FBXW10: variants seen among roughly 807,000 people sequenced by gnomAD.
The protein encoded by FBXW10 is F-box/WD repeat-containing protein 10.
FBXW10 carries 68 observed loss-of-function variants against 113.1 expected under a neutral mutation model. That is an observed-to-expected ratio of 0.60 (90% confidence interval 0.49 to 0.74). The LOEUF (loss-of-function observed/expected upper bound fraction) is 0.74. Among genes scored for constraint, FBXW10 ranks in the 30% least tolerant of loss-of-function variants. The probability of loss-of-function intolerance (pLI) is 0.00; values close to 1 mark genes in which losing one functional copy is unlikely to be tolerated. For synonymous variants in FBXW10, 289 were observed against 481.6 expected, an observed-to-expected ratio of 0.60 and a Z score of 5.24; for missense variants, 753 against 1,284.5, an observed-to-expected ratio of 0.59 and a Z score of 6.32.
At chr17:18,746,826 C>T (rs1404259727) in intron 1 of FBXW10, among the ~76,000 whole-genome samples, 10 of 152,142 alleles carry the variant, frequency 6.6e-5, no homozygotes, top group Non-Finnish European at 1.3e-4. Flanking sequence ...CAATGCTCCA[C>T]AGTGCTCTTC....
chr17:18,747,573 C>G (rs1051575988), intron 1 of FBXW10, among the ~76,000 whole-genome samples: 5 of 151,900 alleles, frequency 3.3e-5, no homozygotes, highest in Non-Finnish European at 5.9e-5. Flanking sequence ...CAAAAACAAA[C>G]AAACCAAAAA....
rs768267575 is a variant in FBXW10 at position 18,769,905 on chromosome 17, C to T, written c.1848-22C>T. ...CATTTTACGAGAGGATGGGTACTGC[C>T]TGCTACTCTGTTCCCTTCCAGGGAG... On this transcript the variant is annotated intron_variant, in intron 10 of 13. Transcript: ENST00000395665. 3.1e-6 allele frequency: 5 copies of T among 1,613,194 alleles called. No homozygotes were observed. The African/African-American group carries it at 5.3e-5, about 17-fold the overall frequency.
At chr17:18,777,133 C>T (rs2035716471) in intron 13 of FBXW10, among the ~76,000 whole-genome samples, 1 of 148,536 alleles carries the variant, frequency 6.7e-6, no homozygotes, top group African/African-American at 2.5e-5. Context: ...GTGATCTCGG[C>T]TCACCGCAAC....
At chr17:18,750,859 C>T in intron 4 of FBXW10, 72 bp from the exon 5 acceptor site, 2 of 1,527,128 alleles carry the variant, frequency 1.3e-6, no homozygotes, top group South Asian at 1.2e-5. Flanking sequence ...TTCCCTTCCT[C>T]CTGCAGAGTT....
At chr17:18,749,339 C>A (rs1458595277) in intron 2 of FBXW10, among the ~76,000 whole-genome samples, 2 of 151,460 alleles carry the variant, frequency 1.3e-5, no homozygotes, top group African/African-American at 4.9e-5. Context: ...GAGATCGAGA[C>A]CATCCTGGCT....
At chr17:18,756,374 A>G (rs1209067269) in intron 6 of FBXW10, among the ~76,000 whole-genome samples, 1 of 152,266 alleles carries the variant, frequency 6.6e-6, no homozygotes, top group Non-Finnish European at 1.5e-5. Flanking sequence ...AATTTTGGGT[A>G]TGCTGACCAA....
At chr17:18,747,151 C>T (rs974172644) in intron 1 of FBXW10, among the ~76,000 whole-genome samples, 37 of 152,156 alleles carry the variant, frequency 2.4e-4, no homozygotes, top group Admixed American at 2.4e-3. Context: ...TGGTCTCCAT[C>T]TCCTGACCTT....
intron 10 of FBXW10, among the ~76,000 whole-genome samples, chr17:18,769,191 T>G (rs1834421165): frequency 6.6e-6 from 1 of 151,978 alleles, no homozygotes; most frequent in Admixed American, 6.6e-5. Context: ...CGCCTCAGCC[T>G]CCCAAAGTGC....
intron 5 of FBXW10, among the ~76,000 whole-genome samples, chr17:18,752,549 CT>C (rs1177682993): frequency 2.6e-5 from 4 of 151,982 alleles, no homozygotes; most frequent in Admixed American, 1.3e-4. Context: ...CCTGTCTCTA[CT>C]AAAAATACAA....
intron 1 of FBXW10, 105 bp from the exon 2 acceptor site, chr17:18,747,836 A>T (rs1425648239): frequency 6.6e-7 from 1 of 1,505,526 alleles, no homozygotes; most frequent in Non-Finnish European, 8.9e-7. Flanking sequence ...TCCATTCTGT[A>T]CATCTTTAAA....
chr17:18,759,778 A>ATT (rs145762173), intron 7 of FBXW10, among the ~76,000 whole-genome samples: 32 of 150,964 alleles, frequency 2.1e-4, no homozygotes, highest in Admixed American at 1.2e-3. Context: ...ACACCAGGCT[A>ATT]TTTTTTTTTG....
chr17:18,772,426 C>T lies in FBXW10; in HGVS notation c.2021C>T (p.Thr674Ile), dbSNP rs1388927720. 6.2e-7 allele frequency: 1 copy of T among 1,613,606 alleles called. No homozygotes were observed. The highest frequency in any genetic ancestry group is 1.7e-5 in the Admixed American group (1 of 59,952). Residue 674 changes from threonine to isoleucine, a missense_variant, in exon 12 of 14, where the codon ACA (threonine) becomes ATA (isoleucine). Thr to Ile is a moderately conservative substitution (Grantham distance 89). Transcript: ENST00000395665. ...FIQGNRMVVNTESNVLMFQFE... is the reference protein window; with the variant it reads ...FIQGNRMVVNIESNVLMFQFE... ...TTCGGTTCCAGGATGGTGGTCAACACAGAGAGCAATGTTCTCATGTTCCAG... is the reference window on the plus strand; with the variant it reads ...TTCGGTTCCAGGATGGTGGTCAACATAGAGAGCAATGTTCTCATGTTCCAG...
chr17:18,773,164 C>T (rs1278624327), intron 12 of FBXW10, among the ~76,000 whole-genome samples: 1 of 151,972 alleles, frequency 6.6e-6, no homozygotes, highest in Non-Finnish European at 1.5e-5. Flanking sequence ...AACTCCCGAC[C>T]TCAGGTGATC....
At chr17:18,750,509 G>A (rs926883291) in intron 4 of FBXW10, among the ~76,000 whole-genome samples, 3 of 151,266 alleles carry the variant, frequency 2.0e-5, no homozygotes, top group Non-Finnish European at 1.5e-5. Flanking sequence ...TGTTTATAAG[G>A]CTGCAAAGTT....
At chr17:18,775,667 G>A (rs2035685662) in intron 13 of FBXW10, among the ~76,000 whole-genome samples, 1 of 152,196 alleles carries the variant, frequency 6.6e-6, no homozygotes, top group Admixed American at 6.5e-5. Context: ...AGAGAGATTT[G>A]GGGCAGGTGC....
At chr17:18,777,848 T>C in intron 13 of FBXW10, among the ~76,000 whole-genome samples, 1 of 151,812 alleles carries the variant, frequency 6.6e-6, no homozygotes, top group Non-Finnish European at 1.5e-5. Flanking sequence ...CGGCCTCAAC[T>C]TCACATTTTC....
At chr17:18,773,115 T>C (rs2035647037) in intron 12 of FBXW10, among the ~76,000 whole-genome samples, 1 of 151,776 alleles carries the variant, frequency 6.6e-6, no homozygotes, top group African/African-American at 2.4e-5. Context: ...TTTTTTTTAG[T>C]AGAGATGGGC....
chr17:18,778,177 C>T (rs1463395636), intron 13 of FBXW10, among the ~76,000 whole-genome samples: 4 of 152,134 alleles, frequency 2.6e-5, no homozygotes, highest in South Asian at 2.1e-4. Flanking sequence ...GGCGTGAACC[C>T]GGAAGGCAGA....
rs568146214 is a variant in FBXW10 at position 18,744,780 on chromosome 17, GC to G, written c.505+36del. The stretch of plus-strand genomic sequence containing the variant: ...CAAGGCCACAGGCAGAGACTAGAGG[GC>G]CCCCGAAGACCAGAAGGCAAGGCTT... On this transcript the variant is annotated intron_variant, in intron 1 of 13. Coordinates refer to ENST00000395665, the MANE Select transcript of FBXW10 (RefSeq NM_001267585.2). 1,328 of 1,602,628 alleles carry G rather than the reference GC, an allele frequency of 8.3e-4. 19 individuals are homozygous for G. In the South Asian group the frequency reaches 0.01, roughly 13 times the overall value.
Sources: gnomAD v4.1 joint callset for allele counts (sites outside exome capture counted in the v4.1 genomes callset) on GRCh38, gnomAD v4.1.1 for gene constraint, MANE v1.5 for transcripts, NCBI Gene and HGNC (gene_info 2026-07-23, HGNC 2026-07-21) for gene names.